The following CTBP2 variants were observed in gnomAD, a reference collection of about 807,000 sequenced individuals.
CTBP2 encodes C-terminal-binding protein 2.
Under a neutral mutation model 80.3 loss-of-function variants are expected in CTBP2, and 30 were observed. The ratio of observed to expected loss-of-function variants is 0.37; its 90% CI spans 0.28 to 0.51. The LOEUF (loss-of-function observed/expected upper bound fraction) is 0.51, where lower values mean the gene tolerates loss of function less well. Among genes scored for constraint, CTBP2 ranks in the 20% least tolerant of loss-of-function variants. CTBP2 has a pLI of 0.93. For synonymous variants in CTBP2, 594 were observed against 587.4 expected, an observed-to-expected ratio of 1.01 and a Z score of -0.16; for missense variants, 1,212 against 1,375.3, an observed-to-expected ratio of 0.88 and a Z score of 1.88.
At chr10:125,092,560 G>A (rs766084403) in intron 2 of CTBP2, among the ~76,000 whole-genome samples, 8 of 152,054 alleles carry the variant, frequency 5.3e-5, no homozygotes, top group Non-Finnish European at 1.2e-4. Context: ...CTTCCCACCC[G>A]CCACCAGCAA....
chr10:125,021,432 C>G (rs1957028762), intron 1 of CTBP2, among the ~76,000 whole-genome samples: 1 of 152,192 alleles, frequency 6.6e-6, no homozygotes, highest in Non-Finnish European at 1.5e-5. Context: ...TTCCTGGGGT[C>G]TACGGCACGT....
At chr10:125,035,563 CTATCA>C in intron 3 of CTBP2, among the ~76,000 whole-genome samples, 1 of 152,244 alleles carries the variant, frequency 6.6e-6, no homozygotes, top group African/African-American at 2.4e-5. Context: ...CAGACTGATT[CTATCA>C]TAATCCACAA....
Position 124,989,351 on chromosome 10 carries a change from A to G in CTBP2, c.*167T>C, listed in dbSNP as rs1261779734. On this transcript the variant is annotated 3_prime_UTR_variant, in exon 9 of 9. Transcript: ENST00000309035. ...CTTTCAGCGCTTCCGTAAGCAGACG[A>G]CATCTTCAGTTTTCTAGCTCTTGTA... 38 of 776,730 alleles carry G rather than the reference A, an allele frequency of 4.9e-5. No individual in the cohort carries two copies. Among genetic ancestry groups the G allele is most frequent in the Non-Finnish European group, 3.9e-5 (18 of 456,102 alleles). The allele number at this position is 776,730 out of a possible 1,614,324, so 48.1% of individuals were successfully genotyped here.
intron 1 of CTBP2, among the ~76,000 whole-genome samples, chr10:125,138,571 A>G (rs922791142): frequency 2.6e-5 from 4 of 152,076 alleles, no homozygotes; most frequent in East Asian, 1.9e-4. Flanking sequence ...GGATAATCAA[A>G]TGTGTAAGAT....
At position 125,061,159 on chromosome 10, in the gene CTBP2, G is replaced by T. The variant is rs559130801; in HGVS notation, c.-101-22004C>A. On this transcript the variant is annotated intron_variant, in intron 2 of 10. Transcript: ENST00000337195. ...GCTGAGCATACTATTTTCAACTAAG[G>T]CCCTGGCATTGTCTAGGAATGTTTT... Among the ~76,000 whole-genome samples the T allele has an allele frequency of 9.2e-5, 14 of 152,322 alleles. No homozygotes were observed. In the East Asian group the frequency reaches 2.5e-3, roughly 27 times the overall value.
intron 2 of CTBP2, among the ~76,000 whole-genome samples, chr10:125,098,768 G>GAGAGAGAGAGAC (rs1564915046): frequency 3.8e-4 from 53 of 138,564 alleles, no homozygotes; most frequent in African/African-American, 1.3e-3. Flanking sequence ...GAGAGAGAGA[G>GAGAGAGAGAGAC]AGAGAGAGAG....
intron 1 of CTBP2, among the ~76,000 whole-genome samples, chr10:125,124,400 A>G (rs1025049692): frequency 6.6e-6 from 1 of 152,150 alleles, no homozygotes; most frequent in Non-Finnish European, 1.5e-5. Flanking sequence ...TTCCGCCTTT[A>G]TTATCTTCAA....
At chr10:125,158,811 C>CGGGGGGA (rs750083615) in intron 1 of CTBP2, 58 of 117,496 alleles carry the variant, frequency 4.9e-4, no homozygotes, top group Admixed American at 8.1e-4. Context: ...AAGTACCGGG[C>CGGGGGGA]GGGGGGAGGG....
intron 1 of CTBP2, among the ~76,000 whole-genome samples, chr10:125,007,243 C>T (rs1955368669): frequency 6.6e-6 from 1 of 152,158 alleles, no homozygotes; most frequent in Admixed American, 6.5e-5. Flanking sequence ...CTGCCGGCTC[C>T]CCTGGTATCA....
chr10:125,098,657 GGAGAGA>G (rs565818097), intron 2 of CTBP2, among the ~76,000 whole-genome samples: 2,010 of 44,842 alleles, frequency 0.045, 55 homozygotes, highest in South Asian at 0.11. Flanking sequence ...TGGGGGAGGG[GGAGAGA>G]GAGAGAGAGA....
intron 2 of CTBP2, among the ~76,000 whole-genome samples, chr10:125,090,979 T>C (rs1483867846): frequency 6.6e-5 from 10 of 152,186 alleles, no homozygotes; most frequent in African/African-American, 2.4e-4. Context: ...GATCAGCCAT[T>C]TTCCCAATGC....
chr10:125,080,012 G>A (rs1846932681), intron 2 of CTBP2, among the ~76,000 whole-genome samples: 1 of 152,172 alleles, frequency 6.6e-6, no homozygotes. Context: ...TACTGTACCT[G>A]AGCATTTAAG....
chr10:125,114,524 A>G (rs1152696), intron 1 of CTBP2, among the ~76,000 whole-genome samples: 43,867 of 151,736 alleles, frequency 0.29, 8,678 homozygotes, highest in African/African-American at 0.55. Flanking sequence ...CCCCTACCCC[A>G]CCGCCACTGC....
At chr10:125,105,215 A>T (rs1402120010) in intron 2 of CTBP2, among the ~76,000 whole-genome samples, 2 of 152,164 alleles carry the variant, frequency 1.3e-5, no homozygotes, top group Non-Finnish European at 2.9e-5. Context: ...TGGTGCAATC[A>T]TGGCTTACTG....
intron 1 of CTBP2, among the ~76,000 whole-genome samples, chr10:125,143,092 C>G (rs1462491450): frequency 6.6e-6 from 1 of 152,126 alleles, no homozygotes; most frequent in Non-Finnish European, 1.5e-5. Context: ...CCAGATAAAC[C>G]CTCCTTGCTC....
intron 2 of CTBP2, among the ~76,000 whole-genome samples, chr10:125,061,002 A>T (rs888044648): frequency 3.3e-5 from 5 of 152,160 alleles, no homozygotes; most frequent in Non-Finnish European, 7.4e-5. Flanking sequence ...GCCCATAGCC[A>T]GCCCCTGCTA....
chr10:125,130,887 G>A (rs1856060218), intron 1 of CTBP2, among the ~76,000 whole-genome samples: 1 of 152,204 alleles, frequency 6.6e-6, no homozygotes, highest in Admixed American at 6.5e-5. Context: ...AGAGGGCAAA[G>A]GGCTCGCTGT....
At chr10:125,145,663 T>C (rs1313313019) in intron 1 of CTBP2, among the ~76,000 whole-genome samples, 2 of 152,084 alleles carry the variant, frequency 1.3e-5, no homozygotes, top group Non-Finnish European at 2.9e-5. Flanking sequence ...ACTACTGGGA[T>C]TGCCATGAAT....
Position 124,998,174 on chromosome 10 carries a change from A to G in CTBP2, c.1979-4T>C, listed in dbSNP as rs762149983. 1 of 1,601,320 alleles carries G rather than the reference A, an allele frequency of 6.2e-7. No individual in the cohort carries two copies. Among genetic ancestry groups the G allele is most frequent in the East Asian group, 2.2e-5 (1 of 44,532 alleles). On this transcript the variant is annotated splice_polypyrimidine_tract_variant and splice_region_variant and intron_variant, in intron 3 of 8. Coordinates refer to ENST00000309035, the MANE Select transcript of CTBP2 (RefSeq NM_022802.3). ...GGGATGTTGCACACGGCAATTCCTGAAAGGGATGAGGCCAAGGCCGGAGAT... is the reference window on the plus strand; with the variant it reads ...GGGATGTTGCACACGGCAATTCCTGGAAGGGATGAGGCCAAGGCCGGAGAT...
Sources: gnomAD v4.1 joint callset for allele counts (sites outside exome capture counted in the v4.1 genomes callset) on GRCh38, gnomAD v4.1.1 for gene constraint, MANE v1.5 for transcripts, NCBI Gene and HGNC (gene_info 2026-07-23, HGNC 2026-07-21) for gene names.